Variants in HSD17B12 observed in about 807,000 individuals in gnomAD.
HSD17B12 encodes the protein very-long-chain 3-oxoacyl-CoA reductase.
HSD17B12 carries 32 observed loss-of-function variants against 39.3 expected under a neutral mutation model. That is an observed-to-expected ratio of 0.81 (90% CI 0.61 to 1.09). HSD17B12 has a LOEUF of 1.09. HSD17B12 is among the 50% of genes least tolerant of loss of function. The pLI, the probability that HSD17B12 is intolerant of heterozygous loss-of-function variation, is 0.00. For missense variants in HSD17B12, 342 were observed against 382.9 expected (o/e 0.89, Z 0.89); for synonymous variants, 150 against 146.7 (o/e 1.02, Z -0.16).
At chr11:43,616,270 G>A in the HSD17B12 span, among the ~76,000 whole-genome samples, 1 of 151,736 alleles carries the variant, frequency 6.6e-6, no homozygotes, top group African/African-American at 2.4e-5. Flanking sequence ...AATTGGCTGG[G>A]TGTGGCAGCC....
intron 3 of HSD17B12, among the ~76,000 whole-genome samples, chr11:43,783,343 T>G (rs911010524): frequency 6.6e-6 from 1 of 152,078 alleles, no homozygotes; most frequent in Admixed American, 6.5e-5. Context: ...ATTCTCAAAC[T>G]TTTTAGTCTC....
intron 9 of HSD17B12, among the ~76,000 whole-genome samples, chr11:43,840,828 T>G (rs1378081205): frequency 6.6e-6 from 1 of 152,216 alleles, no homozygotes; most frequent in African/African-American, 2.4e-5. Context: ...AATGCTAATA[T>G]GAGCATGAGT....
the HSD17B12 span, among the ~76,000 whole-genome samples, chr11:43,648,394 A>G: frequency 6.6e-6 from 1 of 152,054 alleles, no homozygotes; most frequent in East Asian, 1.9e-4. Context: ...CTTAAACCAA[A>G]TTCACAAAGT....
the HSD17B12 span, among the ~76,000 whole-genome samples, chr11:43,668,531 T>C: frequency 6.6e-6 from 1 of 152,290 alleles, no homozygotes; most frequent in East Asian, 1.9e-4. Flanking sequence ...CTTTAGAAGG[T>C]CATTATTCTG....
At chr11:43,713,584 A>C (rs2134842256) in intron 1 of HSD17B12, among the ~76,000 whole-genome samples, 1 of 152,256 alleles carries the variant, frequency 6.6e-6, no homozygotes, top group Admixed American at 6.5e-5. Context: ...TGCTGCAGTA[A>C]ACATACGTGT....
chr11:43,567,729 C>G, the HSD17B12 span, among the ~76,000 whole-genome samples: 8 of 152,316 alleles, frequency 5.3e-5, no homozygotes, highest in African/African-American at 1.7e-4. Flanking sequence ...ATACTGGTTT[C>G]TTCTGCCTCT....
chr11:43,650,038 G>A, the HSD17B12 span, among the ~76,000 whole-genome samples: 1 of 152,134 alleles, frequency 6.6e-6, no homozygotes, highest in Non-Finnish European at 1.5e-5. Context: ...CAGATAAATT[G>A]CCCAGTGGTA....
chr11:43,578,877 T>C, the HSD17B12 span: 4 of 151,968 alleles, frequency 2.6e-5, no homozygotes, highest in African/African-American at 9.7e-5. Context: ...AATGCACAAG[T>C]TTACCCCCCG....
In HSD17B12 at chr11:43,840,031, T is replaced by A. The variant is rs751446419; in HGVS notation, c.651T>A (p.His217Gln). ...TAGATTTCTTCTCTCAGTGCCTCCATGAGGAGTATAGGAGCAAGGGCGTCT... is the reference window on the plus strand; with the variant it reads ...TAGATTTCTTCTCTCAGTGCCTCCAAGAGGAGTATAGGAGCAAGGGCGTCT... The part of the protein sequence containing the change: ...TFVDFFSQCL[H>Q]EEYRSKGVFV... Residue 217 changes from histidine to glutamine, a missense_variant, in exon 9 of 11, where the codon CAT (histidine) becomes CAA (glutamine). Transcript: ENST00000278353. The A allele has an allele frequency of 2.9e-5, 47 of 1,612,576 alleles. No homozygotes were observed. The highest frequency in any genetic ancestry group is 3.6e-5 in the Non-Finnish European group (43 of 1,179,090).
At chr11:43,634,075 C>CAAAAAAAAAAAAAAAAAAAAAAAAAAAAA in the HSD17B12 span, among the ~76,000 whole-genome samples, 11 of 37,566 alleles carry the variant, frequency 2.9e-4, 2 homozygotes, top group African/African-American at 3.4e-4. Context: ...AACTCCATCT[C>CAAAAAAAAAAAAAAAAAAAAAAAAAAAAA]AAAAAAAAAA....
intron 9 of HSD17B12, among the ~76,000 whole-genome samples, chr11:43,846,899 C>T (rs1951481318): frequency 1.3e-5 from 2 of 152,178 alleles, no homozygotes; most frequent in Non-Finnish European, 2.9e-5. Flanking sequence ...TGTCTTCAGT[C>T]AAGAAATATT....
the HSD17B12 span, among the ~76,000 whole-genome samples, chr11:43,646,544 A>G: frequency 1.3e-5 from 2 of 152,206 alleles, no homozygotes; most frequent in African/African-American, 4.8e-5. Context: ...CCTTGAAAGA[A>G]GATACATGAA....
the HSD17B12 span, among the ~76,000 whole-genome samples, chr11:43,586,694 C>T: frequency 1.3e-5 from 2 of 152,162 alleles, no homozygotes; most frequent in African/African-American, 4.8e-5. Flanking sequence ...CAGTTTTAAG[C>T]TCATGATTTA....
chr11:43,562,758 C>A, the HSD17B12 span, among the ~76,000 whole-genome samples: 1 of 152,178 alleles, frequency 6.6e-6, no homozygotes, highest in South Asian at 2.1e-4. Flanking sequence ...CTATACTTTA[C>A]TGAAAGCCAT....
the HSD17B12 span, among the ~76,000 whole-genome samples, chr11:43,613,131 C>A: frequency 6.6e-6 from 1 of 152,100 alleles, no homozygotes; most frequent in African/African-American, 2.4e-5. Flanking sequence ...TGGCCGGGCA[C>A]AGTGGCTCAC....
At chr11:43,785,490 A>T (rs1205924096) in intron 3 of HSD17B12, among the ~76,000 whole-genome samples, 1 of 152,212 alleles carries the variant, frequency 6.6e-6, no homozygotes, top group African/African-American at 2.4e-5. Context: ...ATGTGACTAG[A>T]GCAGAGCTTG....
the HSD17B12 span, among the ~76,000 whole-genome samples, chr11:43,633,539 A>C: frequency 6.6e-6 from 1 of 152,160 alleles, no homozygotes; most frequent in African/African-American, 2.4e-5. Context: ...CTCAAAAAAT[A>C]AATTAAAATA....
At chr11:43,649,044 G>A in the HSD17B12 span, among the ~76,000 whole-genome samples, 11 of 152,072 alleles carry the variant, frequency 7.2e-5, no homozygotes, top group Non-Finnish European at 1.5e-4. Flanking sequence ...TTTTTAAGGA[G>A]AATTCATTTT....
In HSD17B12 at chr11:43,734,441, G is replaced by A. The variant is rs575653420; in HGVS notation, c.161-16470G>A. ...GCTGATCACCAACTCACTGGCCACC[G>A]CAGGGGACAGCCTGATCGAGCTGTG... On this transcript the variant is annotated intron_variant, in intron 1 of 10. Transcript: ENST00000278353. 2.0e-4 allele frequency: 143 copies of A among 729,910 alleles called. No homozygotes were observed. The African/African-American group carries it at 2.0e-3, about 10-fold the overall frequency. The allele number at this position is 729,910 out of a possible 1,614,324, so 45.2% of individuals were successfully genotyped here. A position where few individuals can be genotyped will look rare whatever the true frequency, so the allele number is the denominator to read the frequency against.
Sources: allele counts gnomAD v4.1 joint callset (sites outside exome capture counted in the v4.1 genomes callset), GRCh38; gene constraint gnomAD v4.1.1; transcripts MANE v1.5; gene names NCBI Gene and HGNC (gene_info 2026-07-23, HGNC 2026-07-21).